MID2: variants seen among roughly 807,000 people sequenced by gnomAD.
MID2 encodes the protein midline 2, also known as probable E3 ubiquitin-protein ligase MID2.
A neutral mutation model predicts 46.1 loss-of-function variants in MID2; 13 were observed. That is an observed-to-expected ratio of 0.28 (90% CI 0.18 to 0.45). The LOEUF (loss-of-function observed/expected upper bound fraction) is 0.45, where lower values mean the gene tolerates loss of function less well. MID2 is among the 20% of genes least tolerant of loss of function. MID2 has a pLI of 1.00. For missense variants in MID2, 431 were observed against 575.4 expected (o/e 0.75, Z 2.57); for synonymous variants, 199 against 212.3 (o/e 0.94, Z 0.55).
chrX:107,893,457 G>A (rs1420519329), intron 3 of MID2, among the ~76,000 whole-genome samples: 2 of 112,307 alleles, frequency 1.8e-5, no homozygotes, highest in East Asian at 2.8e-4. Context: ...TAAAGAAATC[G>A]GGTAGCTGAT....
intron 1 of MID2, among the ~76,000 whole-genome samples, chrX:107,838,951 A>G (rs1931267466): frequency 9.0e-6 from 1 of 111,198 alleles, no homozygotes; most frequent in Non-Finnish European, 1.9e-5. Context: ...TACAAAAAAT[A>G]TAAACAAAAA....
intron 3 of MID2, among the ~76,000 whole-genome samples, chrX:107,899,476 A>G (rs899414894): frequency 1.1e-4 from 12 of 110,577 alleles, no homozygotes; most frequent in African/African-American, 2.6e-4. Context: ...CTGGGAGGTA[A>G]TAGGGTAGGA....
chrX:107,895,216 G>C (rs745812866), intron 3 of MID2: 2 of 87,911 alleles, frequency 2.3e-5, no homozygotes, highest in African/African-American at 1.1e-4. Context: ...AACTTTTTTT[G>C]GGGGGGGGGT....
rs973159169 is a variant in MID2 at position 107,826,079 on chromosome X, C to A, written c.-348C>A. The A allele has an allele frequency of 3.4e-6, 1 of 296,121 alleles. No individual in the cohort carries two copies. Among genetic ancestry groups the A allele is most frequent in the Non-Finnish European group, 5.9e-6 (1 of 169,459 alleles). The allele number at this position is 296,121 out of a possible 1,213,427, so 24.4% of individuals were successfully genotyped here. A position where few individuals can be genotyped will look rare whatever the true frequency, so the allele number is the denominator to read the frequency against. Reference sequence around the variant, plus strand: ...AAGGGATTGCCTTTTTTTTCCTCTGCGGCGGCGGAAATGACAGTGTGGTGC... The same window carrying A: ...AAGGGATTGCCTTTTTTTTCCTCTGAGGCGGCGGAAATGACAGTGTGGTGC... On this transcript the variant is annotated 5_prime_UTR_variant, in exon 1 of 10. Coordinates refer to ENST00000262843, the MANE Select transcript of MID2 (RefSeq NM_012216.4).
intron 5 of MID2, among the ~76,000 whole-genome samples, chrX:107,910,820 T>C (rs1328463772): frequency 2.4e-5 from 1 of 40,856 alleles, no homozygotes. Context: ...TTCCTTTCCT[T>C]TCCTTTCCTT....
intron 3 of MID2, among the ~76,000 whole-genome samples, chrX:107,871,400 G>C (rs73529342): frequency 1.8e-5 from 2 of 111,392 alleles, no homozygotes; most frequent in African/African-American, 6.6e-5. Flanking sequence ...TGGCAGGAGC[G>C]AAACTGTGCT....
chrX:107,880,963 A>G (rs751791890), intron 3 of MID2, among the ~76,000 whole-genome samples: 6 of 112,804 alleles, frequency 5.3e-5, no homozygotes, highest in South Asian at 3.7e-4. Context: ...TCTTTTTTCT[A>G]TCTTATCCCT....
chrX:107,884,201 A>G (rs1013486574), intron 3 of MID2, among the ~76,000 whole-genome samples: 5 of 112,489 alleles, frequency 4.4e-5, no homozygotes, highest in African/African-American at 1.6e-4. Context: ...AATGCCAGCT[A>G]TCCTATAGAT....
intron 3 of MID2, among the ~76,000 whole-genome samples, chrX:107,877,216 G>A (rs1275842617): frequency 1.8e-5 from 2 of 112,374 alleles, no homozygotes; most frequent in Non-Finnish European, 3.8e-5. Flanking sequence ...CATGTTTACA[G>A]AAAAGGTCCA....
intron 7 of MID2, 63 bp from the exon 8 acceptor site, chrX:107,924,280 T>C: frequency 1.9e-6 from 2 of 1,071,845 alleles, no homozygotes; most frequent in South Asian, 4.2e-5. Context: ...GAATTTTCAG[T>C]GTGTTTTTCA....
intron 3 of MID2, among the ~76,000 whole-genome samples, chrX:107,883,288 C>T (rs745931526): frequency 2.6e-4 from 29 of 110,861 alleles, no homozygotes; most frequent in African/African-American, 5.9e-4. Context: ...CACCATGGCA[C>T]GTGTATACCT....
In MID2 at chrX:107,927,512, T is replaced by G. The variant is rs1327519944; in HGVS notation, c.*439T>G. 9.0e-6 allele frequency among the ~76,000 whole-genome samples: 1 copy of G among 111,450 alleles called. No individual in the cohort carries two copies. The highest frequency in any genetic ancestry group is 1.9e-5 in the Non-Finnish European group (1 of 53,023). On this transcript the variant is annotated 3_prime_UTR_variant, in exon 10 of 10. Coordinates refer to ENST00000262843, the MANE Select transcript of MID2 (RefSeq NM_012216.4). ...TGTAGAATTTTGAACAGTGTCAAAT[T>G]ATCACATATTATATTTTACTTTTGA...
rs1036339320 is a variant in MID2, at chrX:107,904,003, G to C, written c.862G>C (p.Glu288Gln). Residue 288 changes from glutamate (E) to glutamine (Q), a missense_variant, in exon 4 of 10, where the codon GAG becomes CAG. Transcript: ENST00000262843. ...GGCAAAACTTATGGAAGAATGTGAC[G>C]AGTTGGTAGAGATCATCCAGCAGAG... Reference protein sequence around the residue: ...HEAKLMEECDELVEIIQQRKQ... With the variant: ...HEAKLMEECDQLVEIIQQRKQ... The C allele has an allele frequency of 1.7e-6, 2 of 1,209,998 alleles. No homozygotes were observed. The highest frequency in any genetic ancestry group is 1.8e-5 in the South Asian group (1 of 56,902).
intron 2 of MID2, among the ~76,000 whole-genome samples, chrX:107,851,860 TTTATTTA>T (rs1931629941): frequency 1.7e-4 from 1 of 5,920 alleles, no homozygotes; most frequent in African/African-American, 6.2e-4. Flanking sequence ...ATACTTTTTA[TTTATTTA>T]TTTATTTATT....
At chrX:107,888,101 G>T (rs1251838111) in intron 3 of MID2, among the ~76,000 whole-genome samples, 2 of 111,566 alleles carry the variant, frequency 1.8e-5, no homozygotes, top group African/African-American at 3.3e-5. Flanking sequence ...ATTTTTTGAA[G>T]GGTTTTTTGT....
intron 1 of MID2, among the ~76,000 whole-genome samples, chrX:107,839,281 C>G (rs1931275942): frequency 9.0e-6 from 1 of 111,156 alleles, no homozygotes; most frequent in East Asian, 2.8e-4. Flanking sequence ...AATTAGGTAC[C>G]TGTGTGTTCA....
intron 2 of MID2, among the ~76,000 whole-genome samples, chrX:107,848,261 A>G (rs1931534487): frequency 9.0e-6 from 1 of 111,571 alleles, no homozygotes; most frequent in African/African-American, 3.3e-5. Flanking sequence ...GTGAAGAGGA[A>G]TAGTGCAAGT....
At chrX:107,872,870 A>G (rs765149857) in intron 3 of MID2, among the ~76,000 whole-genome samples, 3 of 111,971 alleles carry the variant, frequency 2.7e-5, no homozygotes, top group Non-Finnish European at 3.8e-5. Context: ...CCATCCATAC[A>G]TCATTTCAAA....
chrX:107,828,803 A>G (rs1396175073), intron 1 of MID2, among the ~76,000 whole-genome samples: 1 of 112,454 alleles, frequency 8.9e-6, no homozygotes, highest in Admixed American at 9.4e-5. Flanking sequence ...TGTAAAAGCT[A>G]TAATATTGTG....
Sources: gnomAD v4.1 joint callset for allele counts (sites outside exome capture counted in the v4.1 genomes callset) on GRCh38, gnomAD v4.1.1 for gene constraint, MANE v1.5 for transcripts, NCBI Gene and HGNC (gene_info 2026-07-23, HGNC 2026-07-21) for gene names.